Variants in PECAM1 observed in about 807,000 individuals in gnomAD.
The protein encoded by PECAM1 is platelet endothelial cell adhesion molecule.
PECAM1 carries 8 observed loss-of-function variants against 13.8 expected under a neutral mutation model. The ratio of observed to expected loss-of-function variants is 0.58; its 90% CI spans 0.34 to 1.05. The LOEUF is 1.05. Ranked by LOEUF, PECAM1 falls within the 50% of genes least tolerant of loss-of-function variation. The pLI is 0.03. For synonymous variants in PECAM1, 136 were observed against 52.6 expected (o/e 2.58, Z -6.86); for missense variants, 304 against 141.2 (o/e 2.15, Z -5.84).
At chr17:64,324,958 C>T (rs543133958) in intron 15 of PECAM1, among the ~76,000 whole-genome samples, 1 of 152,316 alleles carries the variant, frequency 6.6e-6, no homozygotes, top group Admixed American at 6.5e-5. Context: ...TGTTTCTTTA[C>T]TTCTCTAATA....
intron 5 of PECAM1, among the ~76,000 whole-genome samples, chr17:64,369,125 G>T (rs1272862548): frequency 6.6e-6 from 1 of 151,548 alleles, no homozygotes; most frequent in East Asian, 2.0e-4. Context: ...AGTAGAGATG[G>T]GGTTTTATCA....
chr17:64,334,188 C>A lies in PECAM1; in HGVS notation c.2165-4466G>T, dbSNP rs1046189901. Among the ~76,000 whole-genome samples the A allele has an allele frequency of 3.5e-4, 53 of 152,066 alleles. No homozygotes were observed. In the East Asian group the frequency reaches 4.7e-3, roughly 13 times the overall value. On this transcript the variant is annotated intron_variant, in intron 14 of 15. Coordinates refer to ENST00000563924, the MANE Select transcript of PECAM1 (RefSeq NM_000442.5). ...GACTGGAAAGACCAGGCAGCTCCCC[C>A]ACTGTCTGCAAGCTTTCCCATCAAA...
chr17:64,373,152 A>AAT (rs2036281531), intron 4 of PECAM1, among the ~76,000 whole-genome samples: 41 of 120,122 alleles, frequency 3.4e-4, no homozygotes, highest in South Asian at 9.1e-4. Context: ...AATAAAAAAA[A>AAT]AAGAAAATGC....
intron 15 of PECAM1, among the ~76,000 whole-genome samples, chr17:64,325,390 AAAAAAAG>A (rs1159758766): frequency 6.6e-6 from 1 of 152,096 alleles, no homozygotes; most frequent in Non-Finnish European, 1.5e-5. Context: ...TCCGTCTCAA[AAAAAAAG>A]AAAATGGTAA....
intron 4 of PECAM1, among the ~76,000 whole-genome samples, chr17:64,373,714 T>C (rs1262358562): frequency 6.6e-6 from 1 of 152,146 alleles, no homozygotes; most frequent in Non-Finnish European, 1.5e-5. Flanking sequence ...CACATGATTT[T>C]ATAATCAGAT....
chr17:64,350,342 A>C (rs2035689986), intron 12 of PECAM1, 38 bp downstream of exon 12: 1 of 411,440 alleles, frequency 2.4e-6, no homozygotes, highest in South Asian at 1.3e-4. Flanking sequence ...TTTAATGTAA[A>C]AGTTGGTTCT....
Position 64,385,065 on chromosome 17 carries a change from T to G in PECAM1, c.91+5424A>C, listed in dbSNP as rs2143908637. Among the ~76,000 whole-genome samples, 3 of 152,244 alleles carry G rather than the reference T, an allele frequency of 2.0e-5. No individual in the cohort carries two copies. The South Asian group carries it at 6.2e-4, about 32-fold the overall frequency. On this transcript the variant is annotated intron_variant, in intron 2 of 15. Transcript: ENST00000563924. ...AGGAGGCTCATCAACTACCTCCAAT[T>G]GTGTGCAAATGTGTGCTTTTTCTGG... is the stretch of plus-strand genomic sequence containing the variant.
intron 2 of PECAM1, among the ~76,000 whole-genome samples, chr17:64,379,710 G>T (rs924293813): frequency 3.9e-5 from 6 of 152,104 alleles, no homozygotes; most frequent in Admixed American, 6.6e-5. Context: ...AACATCTCAT[G>T]TTCTATACAT....
intron 2 of PECAM1, among the ~76,000 whole-genome samples, chr17:64,386,774 A>G (rs1318128247): frequency 6.6e-6 from 1 of 152,148 alleles, no homozygotes; most frequent in African/African-American, 2.4e-5. Flanking sequence ...CTCTACAAAA[A>G]CAAACAAACA....
At chr17:64,363,914 A>G (rs1255954189) in intron 5 of PECAM1, among the ~76,000 whole-genome samples, 1 of 152,200 alleles carries the variant, frequency 6.6e-6, no homozygotes, top group Non-Finnish European at 1.5e-5. Flanking sequence ...ACTGCACTCC[A>G]GCCTGGGCAA....
chr17:64,361,771 A>AAAAG (rs1232370808), intron 6 of PECAM1, among the ~76,000 whole-genome samples: 1 of 151,062 alleles, frequency 6.6e-6, no homozygotes, highest in East Asian at 1.9e-4. Context: ...AAAAAAAAAA[A>AAAAG]AAAAGATAAA....
intron 15 of PECAM1, among the ~76,000 whole-genome samples, chr17:64,327,682 C>T (rs1555645946): frequency 6.6e-6 from 1 of 152,172 alleles, no homozygotes; most frequent in African/African-American, 2.4e-5. Context: ...GCCACACACA[C>T]AATTTATAAA....
intron 4 of PECAM1, among the ~76,000 whole-genome samples, chr17:64,373,536 G>C (rs2143860026): frequency 6.6e-6 from 1 of 151,844 alleles, no homozygotes; most frequent in South Asian, 2.1e-4. Context: ...CTGTGTGTGT[G>C]TGTGTGTGTG....
In PECAM1 at chr17:64,322,623, A is replaced by C; in HGVS notation, c.*1193T>G. 1.0e-6 allele frequency: 1 copy of C among 985,430 alleles called. No homozygotes were observed. Among genetic ancestry groups the C allele is most frequent in the African/African-American group, 1.7e-5 (1 of 57,364 alleles). The allele number at this position is 985,430 out of a possible 1,614,324, so 61.0% of individuals were successfully genotyped here. ...GCGTGGTTCTCATCTGTGAAATTCC[A>C]CAGCGCAATGACAGCAGCCTCTCTC... On this transcript the variant is annotated 3_prime_UTR_variant, in exon 16 of 16. Transcript: ENST00000563924.
intron 2 of PECAM1, chr17:64,379,242 C>T (rs1227641968): frequency 1.3e-5 from 2 of 152,204 alleles, no homozygotes; most frequent in Non-Finnish European, 2.9e-5. Context: ...TGGCAAGTCC[C>T]CAGAACAGAA....
At position 64,321,778 on chromosome 17, in the gene PECAM1, C is replaced by T; in HGVS notation, c.*2038G>A. The stretch of plus-strand genomic sequence containing the variant: ...CCTGTCTCAACAAAACAAAACAAAA[C>T]AAAAAATTCAGTCGTGCTGCATAAG... On this transcript the variant is annotated 3_prime_UTR_variant, in exon 16 of 16. Transcript: ENST00000563924. 2 of 1,313,924 alleles carry T rather than the reference C, an allele frequency of 1.5e-6. No individual in the cohort carries two copies. The highest frequency in any genetic ancestry group is 2.0e-6 in the Non-Finnish European group (2 of 994,446). 81.4% of individuals were successfully genotyped at this position (1,313,924 alleles called of 1,614,324 possible).
intron 13 of PECAM1, among the ~76,000 whole-genome samples, chr17:64,344,010 G>C (rs950027507): frequency 6.6e-6 from 1 of 152,218 alleles, no homozygotes; most frequent in South Asian, 2.1e-4. Context: ...AGGAGCTCCA[G>C]GCTGCGAGGC....
At chr17:64,351,024 G>A (rs2143774472) in intron 11 of PECAM1, among the ~76,000 whole-genome samples, 1 of 152,104 alleles carries the variant, frequency 6.6e-6, no homozygotes, top group East Asian at 1.9e-4. Context: ...TTATAAACAT[G>A]TACCACCATG....
At chr17:64,375,621 A>C (rs1022477368) in intron 3 of PECAM1, among the ~76,000 whole-genome samples, 4 of 151,846 alleles carry the variant, frequency 2.6e-5, no homozygotes, top group Non-Finnish European at 5.9e-5. Context: ...GGAGTTGGAG[A>C]CCAGCCTGGG....
Sources: gnomAD v4.1 joint callset for allele counts (sites outside exome capture counted in the v4.1 genomes callset) on GRCh38, gnomAD v4.1.1 for gene constraint, MANE v1.5 for transcripts, NCBI Gene and HGNC (gene_info 2026-07-23, HGNC 2026-07-21) for gene names.